Variants in MAOA observed in about 807,000 individuals in gnomAD.
MAOA encodes the protein monoamine oxidase A, also known as amine oxidase [flavin-containing] A.
A neutral mutation model predicts 42.0 loss-of-function variants in MAOA; 6 were observed. That is an observed-to-expected ratio of 0.14 (90% CI 0.08 to 0.28). The LOEUF (loss-of-function observed/expected upper bound fraction) is 0.28, where lower values mean the gene tolerates loss of function less well. MAOA is among the 10% of genes least tolerant of loss of function. The pLI, the probability that MAOA is intolerant of heterozygous loss-of-function variation, is 1.00. For missense variants in MAOA, 262 were observed against 422.3 expected (o/e 0.62, Z 3.33); for synonymous variants, 140 against 154.0 (o/e 0.91, Z 0.67).
chrX:43,656,188 G>A (rs2033177193), upstream of MAOA: 1 of 501,250 alleles, frequency 2.0e-6, no homozygotes, highest in South Asian at 2.8e-5. Flanking sequence ...CAGCAAAAGG[G>A]TTCGCCCCGC....
In MAOA at chrX:43,746,051, A is replaced by G. The variant is rs767789362; in HGVS notation, c.*1538A>G. On this transcript the variant is annotated 3_prime_UTR_variant, in exon 15 of 15. Transcript: ENST00000338702. ...TAGGAGTTTTGAGAATGTATTGGAT[A>G]CGCTCCAGTACATAAGGAGTTGCCG... is the stretch of plus-strand genomic sequence containing the variant. The G allele has an allele frequency of 6.6e-4, 74 of 111,855 alleles. No homozygotes were observed. Among genetic ancestry groups the G allele is most frequent in the African/African-American group, 2.2e-3 (68 of 30,789 alleles). The allele number at this position is 111,855 out of a possible 1,213,427, so 9.2% of individuals were successfully genotyped here.
intron 1 of MAOA, among the ~76,000 whole-genome samples, chrX:43,674,002 G>C (rs750523570): frequency 3.5e-4 from 39 of 112,957 alleles, no homozygotes; most frequent in Non-Finnish European, 6.6e-4. Flanking sequence ...GGATATCCTT[G>C]TTAACTTTCT....
At chrX:43,660,751 G>T (rs1227219771) in intron 1 of MAOA, among the ~76,000 whole-genome samples, 1 of 111,564 alleles carries the variant, frequency 9.0e-6, no homozygotes, top group Admixed American at 9.6e-5. Flanking sequence ...CTTATTTCAT[G>T]ATTTGATTTT....
At chrX:43,684,222 G>A (rs2033466561) in intron 2 of MAOA, among the ~76,000 whole-genome samples, 3 of 111,497 alleles carry the variant, frequency 2.7e-5, no homozygotes, top group Admixed American at 9.6e-5. Flanking sequence ...TTGCTACATC[G>A]CTGCTTTTTT....
chrX:43,743,655 CT>C, intron 12 of MAOA, 138 bp from the exon 13 acceptor site: 1 of 761,936 alleles, frequency 1.3e-6, no homozygotes, highest in Non-Finnish European at 2.0e-6. Context: ...GGCCTTTCAC[CT>C]TGGGCTAAGT....
Position 43,670,459 on chromosome X carries a change from T to C in MAOA, c.74-13054T>C, listed in dbSNP as rs1448638916. Among the ~76,000 whole-genome samples, 5 of 110,458 alleles carry C rather than the reference T, an allele frequency of 4.5e-5. No homozygotes were observed. The Admixed American group carries it at 4.8e-4, about 11-fold the overall frequency. On this transcript the variant is annotated intron_variant, in intron 1 of 14. Coordinates refer to ENST00000338702, the MANE Select transcript of MAOA (RefSeq NM_000240.4). ...ATGTATTTAATTTTTATTTTATTAT[T>C]ATTATACTTTAAGTTTTAGGGTACA...
In MAOA at chrX:43,743,810, G is replaced by A. The variant is rs1441933667; in HGVS notation, c.1279G>A (p.Val427Met). 3.3e-5 allele frequency: 38 copies of A among 1,168,000 alleles called. No individual in the cohort carries two copies. Among genetic ancestry groups the A allele is most frequent in the South Asian group, 7.6e-5 (4 of 52,619 alleles). The change falls in exon 13 of 15, where the codon GTG becomes ATG. Residue 427 changes from valine to methionine, a missense_variant. Coordinates refer to ENST00000338702, the MANE Select transcript of MAOA (RefSeq NM_000240.4). ...CCCTTGAAGGGTGATTCGTCAACCC[G>A]TGGGCAGGATTTTCTTTGCGGGCAC... ...TQYGRVIRQPVGRIFFAGTET... is the reference protein window; with the variant it reads ...TQYGRVIRQPMGRIFFAGTET...
At chrX:43,685,170 G>A (rs1310458252) in intron 2 of MAOA, among the ~76,000 whole-genome samples, 8 of 111,126 alleles carry the variant, frequency 7.2e-5, no homozygotes, top group East Asian at 2.8e-4. Flanking sequence ...ATGAGCCACC[G>A]CACCCAGCCC....
At position 43,743,923 on chromosome X, in the gene MAOA, G is replaced by A. The variant is rs2033979219; in HGVS notation, c.1374+18G>A. 1 of 1,166,656 alleles carries A rather than the reference G, an allele frequency of 8.6e-7. No homozygotes were observed. The highest frequency in any genetic ancestry group is 1.8e-5 in the African/African-American group (1 of 55,525). On this transcript the variant is annotated intron_variant, in intron 13 of 14. Coordinates refer to ENST00000338702, the MANE Select transcript of MAOA (RefSeq NM_000240.4). ...CTAGGGAGGTAAGCAGGAAAGCCCA[G>A]GCTCTCTCCCTCCCGAGTCACGGCA...
At chrX:43,740,821 G>T (rs2033955391) in intron 11 of MAOA, 83 bp downstream of exon 11, 2 of 898,731 alleles carry the variant, frequency 2.2e-6, no homozygotes, top group Non-Finnish European at 3.1e-6. Context: ...CTGATTTTTT[G>T]ACAGTCTTAT....
intron 3 of MAOA, among the ~76,000 whole-genome samples, chrX:43,710,160 C>T (rs2033689123): frequency 8.9e-6 from 1 of 112,241 alleles, no homozygotes; most frequent in Non-Finnish European, 1.9e-5. Flanking sequence ...TTGGAGTGAG[C>T]ATTGCACGAG....
rs904804937 is a variant in MAOA, at chrX:43,743,815, C to T, written c.1284C>T (p.Gly428=). Reference sequence around the variant, plus strand: ...GAAGGGTGATTCGTCAACCCGTGGGCAGGATTTTCTTTGCGGGCACAGAGA... The same window carrying T: ...GAAGGGTGATTCGTCAACCCGTGGGTAGGATTTTCTTTGCGGGCACAGAGA... ...QYGRVIRQPV[G]RIFFAGTETA... is the part of the protein sequence containing the mutation. The change falls in exon 13 of 15, where the codon GGC becomes GGT. Residue 428 remains glycine (G), a synonymous_variant. Coordinates refer to ENST00000338702, the MANE Select transcript of MAOA (RefSeq NM_000240.4). 8.5e-7 allele frequency: 1 copy of T among 1,170,604 alleles called. No homozygotes were observed. The highest frequency in any genetic ancestry group is 2.5e-5 in the Admixed American group (1 of 39,306).
rs766510588 is a variant in MAOA at position 43,700,190 on chromosome X, G to A, written c.306+6762G>A. Among the ~76,000 whole-genome samples, 15 of 111,763 alleles carry A rather than the reference G, an allele frequency of 1.3e-4. No homozygotes were observed. The East Asian group carries it at 3.9e-3, about 29-fold the overall frequency. ...TTTACCTCACTTGAGCTTCCCAATG[G>A]TCCTCAGAGTAAAAAGCATTATTTT... On this transcript the variant is annotated intron_variant, in intron 3 of 14. Coordinates refer to ENST00000338702, the MANE Select transcript of MAOA (RefSeq NM_000240.4).
At chrX:43,675,004 A>G (rs2033380231) in intron 1 of MAOA, among the ~76,000 whole-genome samples, 2 of 111,316 alleles carry the variant, frequency 1.8e-5, no homozygotes, top group South Asian at 7.6e-4. Flanking sequence ...GCCTTGCTAG[A>G]TTGGGGAAGT....
chrX:43,719,747 G>C (rs2033773843), intron 5 of MAOA, among the ~76,000 whole-genome samples: 1 of 111,050 alleles, frequency 9.0e-6, no homozygotes, highest in East Asian at 2.9e-4. Flanking sequence ...ATCCCAGAGG[G>C]AGTCAAGGCA....
At chrX:43,666,350 A>G (rs2033278192) in intron 1 of MAOA, among the ~76,000 whole-genome samples, 1 of 111,902 alleles carries the variant, frequency 8.9e-6, no homozygotes, top group Non-Finnish European at 1.9e-5. Flanking sequence ...CTATTTAACC[A>G]GTTGCTCAGG....
rs1345936727 is a variant in MAOA, at chrX:43,746,549, C to G, written c.*2036C>G. On this transcript the variant is annotated 3_prime_UTR_variant, in exon 15 of 15. Coordinates refer to ENST00000338702, the MANE Select transcript of MAOA (RefSeq NM_000240.4). ...TGAAGGCTGAGTCAGCCCCACTCCA[C>G]AGTTAGGCCAAGAATTAGATTTTAA... 2 of 112,121 alleles carry G rather than the reference C, an allele frequency of 1.8e-5. No homozygotes were observed. Among genetic ancestry groups the G allele is most frequent in the African/African-American group, 6.5e-5 (2 of 30,798 alleles). 9.2% of individuals were successfully genotyped at this position (112,121 alleles called of 1,213,427 possible). A position where few individuals can be genotyped will look rare whatever the true frequency, so the allele number is the denominator to read the frequency against.
At chrX:43,697,334 A>G (rs777348601) in intron 3 of MAOA, among the ~76,000 whole-genome samples, 1 of 111,418 alleles carries the variant, frequency 9.0e-6, no homozygotes, top group African/African-American at 3.3e-5. Flanking sequence ...TTGTGTCCCC[A>G]TATGCAGTGC....
intron 6 of MAOA, among the ~76,000 whole-genome samples, chrX:43,730,775 CT>C (rs2033875148): frequency 9.0e-6 from 1 of 110,857 alleles, no homozygotes; most frequent in African/African-American, 3.3e-5. Flanking sequence ...CACCCTGTAA[CT>C]TTGTCTATAA....
Sources: gnomAD v4.1 joint callset for allele counts (sites outside exome capture counted in the v4.1 genomes callset) on GRCh38, gnomAD v4.1.1 for gene constraint, MANE v1.5 for transcripts, NCBI Gene and HGNC (gene_info 2026-07-23, HGNC 2026-07-21) for gene names.